The following MACROD2 variants were observed in gnomAD, a reference collection of about 807,000 sequenced individuals.
The protein encoded by MACROD2 is ADP-ribose glycohydrolase MACROD2.
Under a neutral mutation model 70.4 loss-of-function variants are expected in MACROD2, and 36 were observed. The observed-to-expected ratio is 0.51, with a 90% CI of 0.39 to 0.68. The LOEUF is 0.68. MACROD2 is among the 30% of genes least tolerant of loss of function. MACROD2 has a pLI of 0.00. For synonymous variants in MACROD2, 172 were observed against 178.8 expected, an observed-to-expected ratio of 0.96 and a Z score of 0.30; for missense variants, 496 against 538.4, an observed-to-expected ratio of 0.92 and a Z score of 0.78.
chr20:15,054,766 C>T (rs2075469896), intron 5 of MACROD2, among the ~76,000 whole-genome samples: 1 of 152,018 alleles, frequency 6.6e-6, no homozygotes, highest in African/African-American at 2.4e-5. Flanking sequence ...AGCACCTTAG[C>T]TTACCTATAC....
At chr20:15,349,296 T>G (rs963691887) in intron 6 of MACROD2, among the ~76,000 whole-genome samples, 4 of 152,190 alleles carry the variant, frequency 2.6e-5, no homozygotes, top group Admixed American at 6.6e-5. Context: ...CTGCTGGAGT[T>G]TTTTATATTT....
At chr20:14,864,384 A>C (rs1388603005) in intron 5 of MACROD2, among the ~76,000 whole-genome samples, 1 of 152,116 alleles carries the variant, frequency 6.6e-6, no homozygotes, top group African/African-American at 2.4e-5. Context: ...TGCAGTTACA[A>C]GTCCTATGAT....
At chr20:14,742,003 T>C (rs1275334313) in intron 5 of MACROD2, among the ~76,000 whole-genome samples, 1 of 152,186 alleles carries the variant, frequency 6.6e-6, no homozygotes, top group Non-Finnish European at 1.5e-5. Flanking sequence ...AAAATGATAG[T>C]TCAAGAATAT....
intron 2 of MACROD2, among the ~76,000 whole-genome samples, chr20:14,075,318 G>T (rs2053903684): frequency 6.6e-6 from 1 of 152,152 alleles, no homozygotes; most frequent in Non-Finnish European, 1.5e-5. Flanking sequence ...AGTTACCGTG[G>T]AAAAGACATT....
At chr20:14,755,009 G>A (rs2071921681) in intron 5 of MACROD2, among the ~76,000 whole-genome samples, 1 of 152,000 alleles carries the variant, frequency 6.6e-6, no homozygotes, top group Non-Finnish European at 1.5e-5. Flanking sequence ...GTCCTGAGGG[G>A]ATCTTGATTC....
chr20:14,347,545 G>A (rs982316534), intron 3 of MACROD2, among the ~76,000 whole-genome samples: 2 of 152,094 alleles, frequency 1.3e-5, no homozygotes, highest in African/African-American at 4.8e-5. Context: ...ATGGAGATGT[G>A]TTACTAGTCT....
intron 6 of MACROD2, among the ~76,000 whole-genome samples, chr20:15,426,267 A>G (rs1191749605): frequency 1.3e-5 from 2 of 151,960 alleles, no homozygotes; most frequent in African/African-American, 4.8e-5. Context: ...ATGTTGGGCT[A>G]TAAAAGTATT....
At chr20:14,182,321 A>C (rs2081311276) in intron 3 of MACROD2, among the ~76,000 whole-genome samples, 1 of 151,790 alleles carries the variant, frequency 6.6e-6, no homozygotes, top group African/African-American at 2.4e-5. Context: ...TTTTTTGTTG[A>C]TTTATTTAGT....
chr20:15,868,696 C>T (rs2064529910), intron 9 of MACROD2, among the ~76,000 whole-genome samples: 1 of 149,706 alleles, frequency 6.7e-6, no homozygotes, highest in Non-Finnish European at 1.5e-5. Flanking sequence ...ATACCTTCAA[C>T]CCCTTATCAT....
At chr20:15,474,221 A>C (rs556227654) in intron 7 of MACROD2, among the ~76,000 whole-genome samples, 68 of 152,372 alleles carry the variant, frequency 4.5e-4, no homozygotes, top group South Asian at 4.1e-3. Flanking sequence ...ATTTATAACT[A>C]GCAACTTCAT....
rs533553892 is a variant in MACROD2, at chr20:15,804,278, G to C, written c.646-58467G>C. Among the ~76,000 whole-genome samples, 6 of 152,246 alleles carry C rather than the reference G, an allele frequency of 3.9e-5. No homozygotes were observed. In the East Asian group the frequency reaches 1.2e-3, roughly 29 times the overall value. On this transcript the variant is annotated intron_variant, in intron 8 of 17. Transcript: ENST00000684519. Reference sequence around the variant, plus strand: ...TTGTAGAGTCCTAAAAACTGGCTTGGTCACCAAAGCAATACAAATGCTGTC... The same window carrying C: ...TTGTAGAGTCCTAAAAACTGGCTTGCTCACCAAAGCAATACAAATGCTGTC...
chr20:15,025,729 G>T (rs1473326616), intron 5 of MACROD2, among the ~76,000 whole-genome samples: 1 of 152,128 alleles, frequency 6.6e-6, no homozygotes, highest in Admixed American at 6.5e-5. Context: ...GTGCTGTCCT[G>T]TGCATTGTGG....
intron 6 of MACROD2, among the ~76,000 whole-genome samples, chr20:15,295,888 C>G: frequency 6.6e-6 from 1 of 152,152 alleles, no homozygotes; most frequent in East Asian, 1.9e-4. Context: ...TGACTTATCA[C>G]GAGACCCTCG....
At chr20:15,462,177 C>T (rs777527469) in intron 7 of MACROD2, among the ~76,000 whole-genome samples, 1 of 152,038 alleles carries the variant, frequency 6.6e-6, no homozygotes. Flanking sequence ...AAAGTTTCCC[C>T]TTAGAAACCA....
At chr20:15,934,205 G>T (rs1030283398) in intron 11 of MACROD2, among the ~76,000 whole-genome samples, 1 of 152,172 alleles carries the variant, frequency 6.6e-6, no homozygotes, top group East Asian at 1.9e-4. Flanking sequence ...CCTACTGTTT[G>T]CCAAGCACAT....
intron 3 of MACROD2, among the ~76,000 whole-genome samples, chr20:14,190,921 A>G (rs2148738659): frequency 6.6e-6 from 1 of 151,238 alleles, no homozygotes; most frequent in South Asian, 2.1e-4. Flanking sequence ...GTTAGCCAGG[A>G]TGGTCTCGAT....
intron 5 of MACROD2, among the ~76,000 whole-genome samples, chr20:14,871,670 A>G (rs2073489832): frequency 6.6e-6 from 1 of 152,144 alleles, no homozygotes; most frequent in South Asian, 2.1e-4. Context: ...TATACATGTG[A>G]ATACTAACCT....
chr20:15,642,077 A>G (rs1359046344), intron 8 of MACROD2, among the ~76,000 whole-genome samples: 1 of 152,170 alleles, frequency 6.6e-6, no homozygotes, highest in Non-Finnish European at 1.5e-5. Flanking sequence ...TTTCCTGTCT[A>G]CTCAGTATTT....
At position 15,291,156 on chromosome 20, in the gene MACROD2, T is replaced by C. The variant is rs539117179; in HGVS notation, c.540+61095T>C. ...ATCAGTAATTCTATCAGCTAGCCTT[T>C]TCACTTCCATTTTCAGAATTTCTGA... On this transcript the variant is annotated intron_variant, in intron 6 of 17. Transcript: ENST00000684519. Among the ~76,000 whole-genome samples the C allele has an allele frequency of 2.0e-5, 3 of 152,224 alleles. No homozygotes were observed. The South Asian group carries it at 6.2e-4, about 31-fold the overall frequency.
Sources: gnomAD v4.1 joint callset for allele counts (sites outside exome capture counted in the v4.1 genomes callset) on GRCh38, gnomAD v4.1.1 for gene constraint, MANE v1.5 for transcripts, NCBI Gene and HGNC (gene_info 2026-07-23, HGNC 2026-07-21) for gene names.